Variants in ABI1 observed in about 807,000 individuals in gnomAD.
ABI1 encodes abl interactor 1.
ABI1 carries 14 observed loss-of-function variants against 54.6 expected under a neutral mutation model. That is an observed-to-expected ratio of 0.26 (90% CI 0.17 to 0.40). The LOEUF is 0.40. ABI1 is among the 10% of genes least tolerant of loss of function. The pLI is 1.00. For missense variants in ABI1, 443 were observed against 598.3 expected (o/e 0.74, Z 2.71); for synonymous variants, 194 against 209.3 (o/e 0.93, Z 0.63).
chr10:26,818,283 T>C (rs2047718695), intron 2 of ABI1, among the ~76,000 whole-genome samples: 1 of 151,450 alleles, frequency 6.6e-6, no homozygotes, highest in African/African-American at 2.4e-5. Context: ...AAGGAATTAA[T>C]TTCCTCATAT....
intron 1 of ABI1, among the ~76,000 whole-genome samples, chr10:26,825,456 T>A (rs1049992228): frequency 9.9e-5 from 15 of 151,388 alleles, no homozygotes; most frequent in African/African-American, 3.6e-4. Flanking sequence ...AGGTCAGGAG[T>A]TCGAGATCAG....
chr10:26,785,664 G>A (rs928544648), intron 2 of ABI1, among the ~76,000 whole-genome samples: 1 of 151,846 alleles, frequency 6.6e-6, no homozygotes, highest in African/African-American at 2.4e-5. Flanking sequence ...GATGGAGGTT[G>A]CAGTGAACCA....
At chr10:26,851,934 G>T (rs2050424399) in intron 1 of ABI1, among the ~76,000 whole-genome samples, 2 of 152,132 alleles carry the variant, frequency 1.3e-5, no homozygotes, top group South Asian at 4.1e-4. Flanking sequence ...GTTATCTAGT[G>T]GGATTGCCTA....
chr10:26,794,869 A>C (rs1336910542), intron 2 of ABI1, among the ~76,000 whole-genome samples: 3 of 152,008 alleles, frequency 2.0e-5, no homozygotes, highest in Non-Finnish European at 4.4e-5. Context: ...TAGGGCCAGG[A>C]GTGGTGGCTC....
intron 8 of ABI1, 82 bp from the exon 9 acceptor site, chr10:26,755,823 C>T (rs17747622): frequency 0.054 from 51,969 of 954,976 alleles, 1,602 homozygotes; most frequent in Non-Finnish European, 0.067. Flanking sequence ...AAGTCAGTTA[C>T]AAGGACCACA....
chr10:26,828,383 A>C (rs1259815658), intron 1 of ABI1, among the ~76,000 whole-genome samples: 1 of 152,248 alleles, frequency 6.6e-6, no homozygotes, highest in Non-Finnish European at 1.5e-5. Context: ...AGAGACATGC[A>C]AAGTAAGCAC....
intron 7 of ABI1, chr10:26,764,033 T>A: frequency 8.4e-7 from 1 of 1,187,820 alleles, no homozygotes; most frequent in Non-Finnish European, 1.2e-6. Context: ...AGCAAGAAAG[T>A]ACAATGTATC....
At chr10:26,820,879 C>G (rs1285752227) in intron 2 of ABI1, among the ~76,000 whole-genome samples, 1 of 151,894 alleles carries the variant, frequency 6.6e-6, no homozygotes, top group East Asian at 1.9e-4. Flanking sequence ...ATTTACAGAC[C>G]TAAACACCTA....
At chr10:26,783,165 A>ACATTGTAGTCATTGAGG (rs1842339239) in intron 2 of ABI1, among the ~76,000 whole-genome samples, 1 of 152,226 alleles carries the variant, frequency 6.6e-6, no homozygotes, top group Admixed American at 6.5e-5. Flanking sequence ...AATATGGATG[A>ACATTGTAGTCATTGAGG]ACCTTGAGGA....
At chr10:26,827,163 TC>T (rs1229591595) in intron 1 of ABI1, among the ~76,000 whole-genome samples, 3 of 152,078 alleles carry the variant, frequency 2.0e-5, no homozygotes. Flanking sequence ...TCCACCAGCC[TC>T]GGCCTCCCAA....
At chr10:26,841,646 CTTT>C (rs75765839) in intron 1 of ABI1, among the ~76,000 whole-genome samples, 1 of 150,550 alleles carries the variant, frequency 6.6e-6, no homozygotes, top group Non-Finnish European at 1.5e-5. Context: ...ATATTTGACT[CTTT>C]TTTTTTATTT....
chr10:26,746,671 GA>G lies in ABI1; in HGVS notation c.*1898del. On this transcript the variant is annotated 3_prime_UTR_variant, in exon 11 of 11. Transcript: ENST00000376140. ...TTTAAATGTAATTAATAAACCACCT[GA>G]ATCTGTCATTCTAGTCCTATAAATT... 1.7e-6 allele frequency: 1 copy of G among 575,960 alleles called. No individual in the cohort carries two copies. The highest frequency in any genetic ancestry group is 3.1e-6 in the Non-Finnish European group (1 of 323,468). The allele number at this position is 575,960 out of a possible 1,614,324, so 35.7% of individuals were successfully genotyped here.
chr10:26,838,852 G>A (rs796339154), intron 1 of ABI1, among the ~76,000 whole-genome samples: 3 of 152,322 alleles, frequency 2.0e-5, no homozygotes, highest in African/African-American at 4.8e-5. Flanking sequence ...AGGAAGAATA[G>A]AACCGCTACG....
intron 2 of ABI1, among the ~76,000 whole-genome samples, chr10:26,808,554 T>C (rs1040514141): frequency 1.3e-5 from 2 of 151,844 alleles, no homozygotes. Flanking sequence ...AGACCCCATT[T>C]CTGCAAAAAA....
intron 3 of ABI1, among the ~76,000 whole-genome samples, chr10:26,773,691 G>C (rs753702873): frequency 9.2e-5 from 14 of 152,180 alleles, no homozygotes; most frequent in South Asian, 8.3e-4. Context: ...TTCCTACTTA[G>C]GCAAACCAAA....
chr10:26,822,609 A>T (rs1279717358), intron 2 of ABI1, among the ~76,000 whole-genome samples: 3 of 151,798 alleles, frequency 2.0e-5, no homozygotes, highest in African/African-American at 7.3e-5. Flanking sequence ...CAAAAAAAAA[A>T]TTAGTAAATA....
intron 2 of ABI1, among the ~76,000 whole-genome samples, chr10:26,817,237 T>G (rs1029346486): frequency 6.6e-6 from 1 of 152,110 alleles, no homozygotes; most frequent in East Asian, 1.9e-4. Context: ...TGACCTCAAA[T>G]GATCCACTCA....
rs1837202888 is a variant in ABI1, at chr10:26,748,583, T to C, written c.1433A>G (p.His478Arg). 6.2e-7 allele frequency: 1 copy of C among 1,611,612 alleles called. No homozygotes were observed. The highest frequency in any genetic ancestry group is 8.5e-7 in the Non-Finnish European group (1 of 1,179,304). The change falls in exon 11 of 11, where the codon CAC becomes CGC. Residue 478 changes from histidine to arginine, a missense_variant. Transcript: ENST00000376140. ...GAAAAAAAAAAATTAATCAGTATAG[T>C]GCATGATTGATTCAACATAGTTCCC... is the stretch of plus-strand genomic sequence containing the variant. ...FPGNYVESIMHYTD is the reference protein window; with the variant it reads ...FPGNYVESIMRYTD
intron 1 of ABI1, among the ~76,000 whole-genome samples, chr10:26,857,020 C>T (rs1272507126): frequency 6.6e-6 from 1 of 152,022 alleles, no homozygotes. Flanking sequence ...ACATAAATGA[C>T]TATATAAAAA....
Sources: allele counts gnomAD v4.1 joint callset (sites outside exome capture counted in the v4.1 genomes callset), GRCh38; gene constraint gnomAD v4.1.1; transcripts MANE v1.5; gene names NCBI Gene and HGNC (gene_info 2026-07-23, HGNC 2026-07-21).